Variants in CCDC171 observed in about 807,000 individuals in gnomAD.
CCDC171 encodes coiled-coil domain containing 171.
CCDC171 carries 177 observed loss-of-function variants against 168.2 expected under a neutral mutation model. The observed-to-expected ratio is 1.05, with a 90% confidence interval of 0.93 to 1.19. The LOEUF is 1.19. Among genes scored for constraint, CCDC171 ranks in the 50% most tolerant of loss-of-function variants. The pLI is 0.00. For synonymous variants in CCDC171, 687 were observed against 540.8 expected (o/e 1.27, Z -3.75); for missense variants, 1,991 against 1,539.0 (o/e 1.29, Z -4.91).
chr9:15,903,927 T>C (rs1397187140), intron 24 of CCDC171, among the ~76,000 whole-genome samples: 10 of 152,116 alleles, frequency 6.6e-5, no homozygotes, highest in African/African-American at 2.4e-4. Context: ...AGGGTATCAG[T>C]GATGGAAGAT....
intron 25 of CCDC171, among the ~76,000 whole-genome samples, chr9:15,949,018 T>A (rs1436602416): frequency 2.6e-5 from 4 of 152,190 alleles, no homozygotes; most frequent in African/African-American, 9.7e-5. Context: ...AAGGAAGGGA[T>A]CCAGTTTCAG....
At chr9:15,645,060 C>A (rs913297751) in intron 7 of CCDC171, among the ~76,000 whole-genome samples, 1 of 152,230 alleles carries the variant, frequency 6.6e-6, no homozygotes, top group African/African-American at 2.4e-5. Flanking sequence ...GAGGAACGAT[C>A]AGGCAGCAAC....
intron 7 of CCDC171, 62 bp downstream of exon 7, chr9:15,623,475 G>GCGCGCGCGCACACA: frequency 9.5e-5 from 30 of 315,460 alleles, no homozygotes; most frequent in East Asian, 7.9e-4. Context: ...GCGCGCGCGC[G>GCGCGCGCGCACACA]CACACACACA....
chr9:15,660,657 C>G (rs1396157071), intron 8 of CCDC171, among the ~76,000 whole-genome samples: 1 of 152,128 alleles, frequency 6.6e-6, no homozygotes, highest in Non-Finnish European at 1.5e-5. Context: ...TGATTTTGTT[C>G]TTTTTTATGG....
chr9:15,597,774 C>G (rs1426818679), intron 6 of CCDC171, among the ~76,000 whole-genome samples: 1 of 152,094 alleles, frequency 6.6e-6, no homozygotes, highest in Admixed American at 6.6e-5. Context: ...CCATCTGGTT[C>G]TGGACTTTTT....
intron 7 of CCDC171, among the ~76,000 whole-genome samples, chr9:15,648,052 A>G (rs2047191817): frequency 6.6e-6 from 1 of 152,188 alleles, no homozygotes. Flanking sequence ...ATCCACCATG[A>G]TCAAGTGGGC....
intron 24 of CCDC171, among the ~76,000 whole-genome samples, chr9:15,896,244 G>A (rs189181468): frequency 6.6e-6 from 1 of 152,086 alleles, no homozygotes; most frequent in African/African-American, 2.4e-5. Context: ...GCACATTTAA[G>A]TTGTATATGC....
At chr9:15,679,289 C>G (rs546039567) in intron 10 of CCDC171, among the ~76,000 whole-genome samples, 94 of 152,184 alleles carry the variant, frequency 6.2e-4, no homozygotes, top group African/African-American at 2.1e-3. Context: ...TCTCCATTCC[C>G]CAGTAATCTA....
chr9:15,986,573 A>G (rs1374462269), intron 3 of CCDC171, among the ~76,000 whole-genome samples: 1 of 151,814 alleles, frequency 6.6e-6, no homozygotes, highest in Non-Finnish European at 1.5e-5. Flanking sequence ...GAAAGATTTT[A>G]TACGAAGAGG....
In CCDC171 at chr9:15,642,315, G is replaced by A. The variant is rs566220629; in HGVS notation, c.823-14812G>A. ...TATATATATACACATATGTATACAC[G>A]TATATATATATATACACGTGTGTGT... On this transcript the variant is annotated intron_variant, in intron 7 of 25. Transcript: ENST00000380701. Among the ~76,000 whole-genome samples the A allele has an allele frequency of 1.7e-3, 210 of 121,462 alleles. 4 individuals carry two copies. Among genetic ancestry groups the A allele is most frequent in the African/African-American group, 5.9e-3 (173 of 29,416 alleles). 79.7% of individuals were successfully genotyped at this position (121,462 alleles called of 152,430 possible).
intron 3 of CCDC171, among the ~76,000 whole-genome samples, chr9:16,015,963 G>T (rs1052288468): frequency 2.0e-5 from 3 of 152,074 alleles, no homozygotes; most frequent in Non-Finnish European, 2.9e-5. Flanking sequence ...TATTTTTAAG[G>T]CTGAATAATA....
At chr9:16,011,844 G>C (rs536715322) in intron 3 of CCDC171, among the ~76,000 whole-genome samples, 66 of 152,296 alleles carry the variant, frequency 4.3e-4, no homozygotes, top group Non-Finnish European at 7.2e-4. Context: ...TCCTTTCTCT[G>C]AGGGTTTTCC....
chr9:15,587,996 G>A (rs1388611517), intron 4 of CCDC171, among the ~76,000 whole-genome samples: 1 of 152,176 alleles, frequency 6.6e-6, no homozygotes, highest in Admixed American at 6.5e-5. Flanking sequence ...CAGCACTTTG[G>A]GAGGCCGAGG....
chr9:16,042,441 C>T (rs1227180354), upstream of CCDC171, among the ~76,000 whole-genome samples: 1 of 152,164 alleles, frequency 6.6e-6, no homozygotes, highest in Non-Finnish European at 1.5e-5. Flanking sequence ...AGGAAAGACT[C>T]AATGATTGAA....
the CCDC171 span, among the ~76,000 whole-genome samples, chr9:16,094,618 T>G: frequency 6.6e-6 from 1 of 152,196 alleles, no homozygotes; most frequent in Non-Finnish European, 1.5e-5. Context: ...GGGATGTATA[T>G]GGAAATGAGT....
intron 6 of CCDC171, among the ~76,000 whole-genome samples, chr9:15,599,407 A>C (rs1041933127): frequency 1.3e-4 from 20 of 152,078 alleles, no homozygotes; most frequent in Non-Finnish European, 4.4e-5. Context: ...TTCACTTATG[A>C]AGCTTAGTTT....
intron 24 of CCDC171, among the ~76,000 whole-genome samples, chr9:15,914,390 C>A (rs1443386114): frequency 6.6e-6 from 1 of 152,200 alleles, no homozygotes; most frequent in Non-Finnish European, 1.5e-5. Flanking sequence ...AGTGGCTTTG[C>A]TGAACTGCAG....
chr9:16,061,047 C>T (rs1262756373), exon 2 of CCDC171: 1 of 152,106 alleles, frequency 6.6e-6, no homozygotes, highest in Non-Finnish European at 1.5e-5. Context: ...CTCTTATCAC[C>T]AAATGTATCT....
intron 10 of CCDC171, among the ~76,000 whole-genome samples, chr9:15,693,769 A>G (rs560774979): frequency 3.9e-5 from 6 of 152,160 alleles, no homozygotes; most frequent in South Asian, 2.1e-4. Context: ...TTTAACATCA[A>G]TCTTTAAATG....
Sources: allele counts gnomAD v4.1 joint callset (sites outside exome capture counted in the v4.1 genomes callset), GRCh38; gene constraint gnomAD v4.1.1; transcripts MANE v1.5; gene names NCBI Gene and HGNC (gene_info 2026-07-23, HGNC 2026-07-21).